MACROD2: variants seen among roughly 807,000 people sequenced by gnomAD.
MACROD2 encodes mono-ADP ribosylhydrolase 2.
A neutral mutation model predicts 70.4 loss-of-function variants in MACROD2; 36 were observed. The ratio of observed to expected loss-of-function variants is 0.51; its 90% CI spans 0.39 to 0.68. The LOEUF (loss-of-function observed/expected upper bound fraction) is 0.68, where lower values mean the gene tolerates loss of function less well. Among genes scored for constraint, MACROD2 ranks in the 30% least tolerant of loss-of-function variants. The pLI, the probability that MACROD2 is intolerant of heterozygous loss-of-function variation, is 0.00. For missense variants in MACROD2, 496 were observed against 538.4 expected (o/e 0.92, Z 0.78); for synonymous variants, 172 against 178.8 (o/e 0.96, Z 0.30).
chr20:15,123,004 G>A lies in MACROD2; in HGVS notation c.419-106936G>A, dbSNP rs1033143275. 3.3e-5 allele frequency among the ~76,000 whole-genome samples: 5 copies of A among 152,252 alleles called. No individual in the cohort carries two copies. In the East Asian group the frequency reaches 9.6e-4, roughly 29 times the overall value. ...ATGTCTCTGAGTAATTTAGGGCTGTGCTGCTCAATAGGGTAGCCCAAGCCA... is the reference window on the plus strand; with the variant it reads ...ATGTCTCTGAGTAATTTAGGGCTGTACTGCTCAATAGGGTAGCCCAAGCCA... On this transcript the variant is annotated intron_variant, in intron 5 of 17. Transcript: ENST00000684519.
At chr20:14,435,220 C>A (rs1028175194) in intron 3 of MACROD2, among the ~76,000 whole-genome samples, 1 of 152,148 alleles carries the variant, frequency 6.6e-6, no homozygotes, top group African/African-American at 2.4e-5. Context: ...CAACCTCTGC[C>A]TCCATCTTCA....
chr20:15,369,972 G>A (rs888982241), intron 6 of MACROD2, among the ~76,000 whole-genome samples: 4 of 152,086 alleles, frequency 2.6e-5, no homozygotes, highest in African/African-American at 9.7e-5. Flanking sequence ...TCTGACCTCT[G>A]TTTTGCTGAT....
chr20:15,260,379 C>T (rs1409414723), intron 6 of MACROD2, among the ~76,000 whole-genome samples: 2 of 151,062 alleles, frequency 1.3e-5, no homozygotes, highest in Admixed American at 6.6e-5. Context: ...TAAGTGAGAC[C>T]ATGCAATGTT....
chr20:15,525,974 G>T (rs2047716018), intron 8 of MACROD2, among the ~76,000 whole-genome samples: 2 of 151,980 alleles, frequency 1.3e-5, no homozygotes, highest in African/African-American at 2.4e-5. Flanking sequence ...TTGATGGTTA[G>T]AAATAATAAA....
chr20:14,421,994 G>A (rs949215933), intron 3 of MACROD2, among the ~76,000 whole-genome samples: 2 of 152,052 alleles, frequency 1.3e-5, no homozygotes, highest in Non-Finnish European at 2.9e-5. Context: ...AAGGTATTGA[G>A]TCTTCGACTA....
chr20:14,243,336 C>T (rs2081944296), intron 3 of MACROD2, among the ~76,000 whole-genome samples: 1 of 152,034 alleles, frequency 6.6e-6, no homozygotes, highest in Non-Finnish European at 1.5e-5. Context: ...TTTAGCTGAC[C>T]ATTTGACTGT....
intron 5 of MACROD2, among the ~76,000 whole-genome samples, chr20:14,812,463 T>TA (rs1399640250): frequency 6.6e-6 from 1 of 151,874 alleles, no homozygotes; most frequent in Non-Finnish European, 1.5e-5. Context: ...GAGAAATACC[T>TA]AATGTAGGTG....
intron 3 of MACROD2, among the ~76,000 whole-genome samples, chr20:14,409,896 T>G (rs2083731426): frequency 6.6e-6 from 1 of 152,168 alleles, no homozygotes; most frequent in Non-Finnish European, 1.5e-5. Context: ...CATGAAAGTA[T>G]AGCAGAGCTG....
At chr20:16,024,727 G>A (rs955373596) in intron 15 of MACROD2, among the ~76,000 whole-genome samples, 2 of 152,222 alleles carry the variant, frequency 1.3e-5, no homozygotes, top group African/African-American at 2.4e-5. Flanking sequence ...GTAGCTATTC[G>A]TATAACTCTT....
At chr20:15,978,919 C>T (rs1368936838) in intron 13 of MACROD2, among the ~76,000 whole-genome samples, 1 of 152,086 alleles carries the variant, frequency 6.6e-6, no homozygotes, top group African/African-American at 2.4e-5. Flanking sequence ...TCAAAAACAG[C>T]TTGAGGTTTT....
chr20:14,296,732 C>G (rs1386804753), intron 3 of MACROD2, among the ~76,000 whole-genome samples: 1 of 151,986 alleles, frequency 6.6e-6, no homozygotes, highest in Non-Finnish European at 1.5e-5. Flanking sequence ...TGCTGCACTT[C>G]CGGGAGTGCT....
intron 2 of MACROD2, among the ~76,000 whole-genome samples, chr20:14,019,673 C>T (rs1252848189): frequency 2.0e-5 from 3 of 151,884 alleles, no homozygotes; most frequent in Non-Finnish European, 4.4e-5. Context: ...AAATGGTCCT[C>T]ATGTGCTGAG....
chr20:14,236,574 A>T (rs2081873948), intron 3 of MACROD2, among the ~76,000 whole-genome samples: 1 of 152,156 alleles, frequency 6.6e-6, no homozygotes, highest in South Asian at 2.1e-4. Flanking sequence ...TTTACTCAAC[A>T]TAAATAATTA....
intron 12 of MACROD2, among the ~76,000 whole-genome samples, chr20:15,938,821 G>A (rs2065706366): frequency 6.6e-6 from 1 of 152,154 alleles, no homozygotes; most frequent in Non-Finnish European, 1.5e-5. Flanking sequence ...TGAATGCAAA[G>A]GAAATGTTCT....
At chr20:15,975,909 C>G (rs1412435800) in intron 13 of MACROD2, among the ~76,000 whole-genome samples, 2 of 152,172 alleles carry the variant, frequency 1.3e-5, no homozygotes, top group Non-Finnish European at 2.9e-5. Flanking sequence ...CAAATTCACA[C>G]TAATCTAGGC....
At chr20:16,017,992 ACACCTAGTGGC>A (rs971781464) in intron 15 of MACROD2, among the ~76,000 whole-genome samples, 1 of 152,206 alleles carries the variant, frequency 6.6e-6, no homozygotes, top group African/African-American at 2.4e-5. Context: ...ACCGTCTCCT[ACACCTAGTGGC>A]ATCTAGTGGT....
chr20:14,905,794 C>G (rs1002778736), intron 5 of MACROD2: 7 of 152,268 alleles, frequency 4.6e-5, no homozygotes, highest in African/African-American at 1.2e-4. Flanking sequence ...GGAACATGAG[C>G]TGTATCTCAT....
chr20:15,941,823 C>CT (rs896168803), intron 12 of MACROD2, among the ~76,000 whole-genome samples: 2 of 152,108 alleles, frequency 1.3e-5, no homozygotes, highest in African/African-American at 4.8e-5. Flanking sequence ...ATGGACAGGT[C>CT]TTTTTTTCTC....
intron 8 of MACROD2, among the ~76,000 whole-genome samples, chr20:15,707,275 G>T (rs927819398): frequency 6.6e-6 from 1 of 152,120 alleles, no homozygotes; most frequent in Non-Finnish European, 1.5e-5. Flanking sequence ...TACCATGAGG[G>T]TATGCTCAGG....
Sources: gnomAD v4.1 joint callset for allele counts (sites outside exome capture counted in the v4.1 genomes callset) on GRCh38, gnomAD v4.1.1 for gene constraint, MANE v1.5 for transcripts, NCBI Gene and HGNC (gene_info 2026-07-23, HGNC 2026-07-21) for gene names.